BBS9: variants seen among roughly 807,000 people sequenced by gnomAD.
BBS9 encodes Bardet-Biedl syndrome 9.
BBS9 carries 89 observed loss-of-function variants against 117.7 expected under a neutral mutation model. The observed-to-expected ratio is 0.76, with a 90% confidence interval of 0.64 to 0.90. BBS9 has a LOEUF of 0.90. BBS9 is among the 40% of genes least tolerant of loss of function. The pLI, the probability that BBS9 is intolerant of heterozygous loss-of-function variation, is 0.00. For synonymous variants in BBS9, 379 were observed against 370.9 expected (o/e 1.02, Z -0.25); for missense variants, 982 against 1,042.2 (o/e 0.94, Z 0.80).
At chr7:33,459,412 T>C (rs1839128995) in intron 19 of BBS9, among the ~76,000 whole-genome samples, 3 of 151,934 alleles carry the variant, frequency 2.0e-5, no homozygotes, top group African/African-American at 4.8e-5. Context: ...GTGATGTTGC[T>C]AAACTTCCTA....
At chr7:33,349,330 T>C (rs760172569) in intron 13 of BBS9, 160 bp downstream of exon 13, 1 of 670,824 alleles carries the variant, frequency 1.5e-6, no homozygotes, top group Admixed American at 2.0e-5. Context: ...CCTCTTAGCA[T>C]CAGCATGAAC....
chr7:33,597,755 G>A (rs1863092308), intron 21 of BBS9, among the ~76,000 whole-genome samples: 1 of 151,834 alleles, frequency 6.6e-6, no homozygotes, highest in African/African-American at 2.4e-5. Flanking sequence ...GGACATTTGT[G>A]GCATCAGTTC....
chr7:33,629,414 G>C (rs184029377), intron 21 of BBS9, among the ~76,000 whole-genome samples: 19 of 152,178 alleles, frequency 1.2e-4, no homozygotes, highest in Middle Eastern at 6.8e-3. Context: ...AAGTGACAGT[G>C]GAAAGGGCAA....
At chr7:33,199,367 A>AT (rs555096637) in intron 5 of BBS9, among the ~76,000 whole-genome samples, 49 of 152,122 alleles carry the variant, frequency 3.2e-4, no homozygotes, top group African/African-American at 1.2e-3. Context: ...GACCTCTAAT[A>AT]TGCCTGAAAC....
chr7:33,308,323 A>G (rs1001611878), intron 9 of BBS9, among the ~76,000 whole-genome samples: 3 of 152,234 alleles, frequency 2.0e-5, no homozygotes, highest in African/African-American at 7.2e-5. Flanking sequence ...AAATAAGGCC[A>G]GAATTAAGGG....
At chr7:33,256,885 C>T (rs959748911) in intron 5 of BBS9, among the ~76,000 whole-genome samples, 1 of 152,080 alleles carries the variant, frequency 6.6e-6, no homozygotes, top group African/African-American at 2.4e-5. Context: ...ACTAATGTAT[C>T]TATGTTTTCT....
chr7:33,406,630 G>T (rs1830049849), intron 19 of BBS9, among the ~76,000 whole-genome samples: 1 of 151,910 alleles, frequency 6.6e-6, no homozygotes, highest in Non-Finnish European at 1.5e-5. Flanking sequence ...GGCAGGCCTG[G>T]TGGTGACAAA....
At chr7:33,618,710 T>A (rs1428095259) in intron 21 of BBS9, among the ~76,000 whole-genome samples, 1 of 152,098 alleles carries the variant, frequency 6.6e-6, no homozygotes, top group Admixed American at 6.6e-5. Flanking sequence ...ATGTAAATTA[T>A]GACATTAATA....
rs531322107 is a variant in BBS9, at chr7:33,190,358, A to G, written c.442+12767A>G. On this transcript the variant is annotated intron_variant, in intron 5 of 22. Coordinates refer to ENST00000242067, the MANE Select transcript of BBS9 (RefSeq NM_198428.3). ...AGCTTACCTGTTAACACACAACTCA[A>G]GAGTTAAATGTTACCGTCAAAAATC... Among the ~76,000 whole-genome samples the G allele has an allele frequency of 5.3e-5, 8 of 152,308 alleles. No individual in the cohort carries two copies. In the South Asian group the frequency reaches 1.5e-3, roughly 28 times the overall value.
intron 5 of BBS9, among the ~76,000 whole-genome samples, chr7:33,179,011 A>T (rs1797734209): frequency 6.6e-6 from 1 of 152,172 alleles, no homozygotes; most frequent in Admixed American, 6.5e-5. Flanking sequence ...AGAAATTTAG[A>T]TGAGGGGAGA....
intron 7 of BBS9, among the ~76,000 whole-genome samples, chr7:33,268,278 C>T (rs1370740622): frequency 6.6e-6 from 1 of 152,196 alleles, no homozygotes; most frequent in Non-Finnish European, 1.5e-5. Context: ...GCACTCTCTG[C>T]AGATCTCCAG....
At chr7:33,162,051 C>G (rs1292396469) in intron 4 of BBS9, among the ~76,000 whole-genome samples, 1 of 151,970 alleles carries the variant, frequency 6.6e-6, no homozygotes, top group Non-Finnish European at 1.5e-5. Flanking sequence ...ATTGCAAAAA[C>G]TTTCTCCCAT....
intron 2 of BBS9, among the ~76,000 whole-genome samples, chr7:33,148,641 G>T (rs1792797840): frequency 1.3e-5 from 2 of 150,478 alleles, no homozygotes; most frequent in South Asian, 4.2e-4. Context: ...GGGATTACAG[G>T]CATGAGCCAC....
At chr7:33,306,601 G>T (rs1288968649) in intron 9 of BBS9, among the ~76,000 whole-genome samples, 1 of 152,104 alleles carries the variant, frequency 6.6e-6, no homozygotes, top group Non-Finnish European at 1.5e-5. Flanking sequence ...TTAGTGAATT[G>T]ATATTGTATG....
At chr7:33,158,521 G>A (rs950647092) in intron 4 of BBS9, among the ~76,000 whole-genome samples, 1 of 152,084 alleles carries the variant, frequency 6.6e-6, no homozygotes, top group African/African-American at 2.4e-5. Flanking sequence ...AGTTATCTAA[G>A]GAAAATTGTC....
At chr7:33,347,846 A>G (rs1037951416) in intron 12 of BBS9, among the ~76,000 whole-genome samples, 2 of 152,006 alleles carry the variant, frequency 1.3e-5, no homozygotes, top group Non-Finnish European at 2.9e-5. Context: ...ATGTTAATGT[A>G]TGTATCTGTC....
chr7:33,599,087 C>G (rs929112053), intron 21 of BBS9, among the ~76,000 whole-genome samples: 15 of 152,172 alleles, frequency 9.9e-5, no homozygotes, highest in Admixed American at 6.5e-5. Flanking sequence ...ATCTGGCCAA[C>G]CCCCTGGTTT....
chr7:33,393,617 C>T (rs1180134374), intron 19 of BBS9, among the ~76,000 whole-genome samples: 1 of 152,064 alleles, frequency 6.6e-6, no homozygotes, highest in Non-Finnish European at 1.5e-5. Context: ...TACCCCTACC[C>T]CCAAATCACA....
At chr7:33,495,963 T>C (rs1844647533) in intron 19 of BBS9, among the ~76,000 whole-genome samples, 2 of 152,300 alleles carry the variant, frequency 1.3e-5, no homozygotes, top group South Asian at 4.2e-4. Flanking sequence ...ACCGGTTTTA[T>C]GTGAATTCTC....
Sources: allele counts gnomAD v4.1 joint callset (sites outside exome capture counted in the v4.1 genomes callset), GRCh38; gene constraint gnomAD v4.1.1; transcripts MANE v1.5; gene names NCBI Gene and HGNC (gene_info 2026-07-23, HGNC 2026-07-21).